The following COL4A2 variants were observed in gnomAD, a reference collection of about 807,000 sequenced individuals.
COL4A2 encodes collagen alpha-2(IV) chain.
Under a neutral mutation model 200.2 loss-of-function variants are expected in COL4A2, and 99 were observed. The ratio of observed to expected loss-of-function variants is 0.49; its 90% CI spans 0.42 to 0.58. The LOEUF (loss-of-function observed/expected upper bound fraction) is 0.58, where lower values mean the gene tolerates loss of function less well. Among genes scored for constraint, COL4A2 ranks in the 20% least tolerant of loss-of-function variants. The probability of loss-of-function intolerance (pLI) is 0.00; values close to 1 mark genes in which losing one functional copy is unlikely to be tolerated. For synonymous variants in COL4A2, 897 were observed against 900.6 expected (o/e 1.00, Z 0.07); for missense variants, 1,950 against 2,314.1 (o/e 0.84, Z 3.23).
At chr13:110,321,619 G>A (rs1162887888) in intron 3 of COL4A2, among the ~76,000 whole-genome samples, 1 of 152,178 alleles carries the variant, frequency 6.6e-6, no homozygotes. Context: ...TTAGTATAAT[G>A]TCCTTGTATT....
intron 40 of COL4A2, among the ~76,000 whole-genome samples, chr13:110,495,996 G>A (rs1344098383): frequency 1.3e-5 from 2 of 152,148 alleles, no homozygotes; most frequent in African/African-American, 4.8e-5. Flanking sequence ...GGGTGTTGCG[G>A]TCTCATTGTG....
At chr13:110,501,873 C>A in intron 41 of COL4A2, 89 bp downstream of exon 41, 1 of 1,285,658 alleles carries the variant, frequency 7.8e-7, no homozygotes, top group Non-Finnish European at 1.1e-6. Context: ...AACAGACGTT[C>A]ATTTCCACGC....
chr13:110,399,605 A>T (rs146578834), intron 4 of COL4A2, among the ~76,000 whole-genome samples: 97 of 152,354 alleles, frequency 6.4e-4, no homozygotes, highest in African/African-American at 2.3e-3. Flanking sequence ...CTCCAGATGC[A>T]TAGCATTCCC....
intron 4 of COL4A2, among the ~76,000 whole-genome samples, chr13:110,391,574 G>A (rs1435543054): frequency 6.6e-6 from 1 of 152,242 alleles, no homozygotes; most frequent in Non-Finnish European, 1.5e-5. Flanking sequence ...CACAGATTCA[G>A]AGCCCGGCAG....
chr13:110,457,505 G>A (rs773388499), intron 21 of COL4A2, 70 bp downstream of exon 21: 63 of 911,166 alleles, frequency 6.9e-5, no homozygotes, highest in Non-Finnish European at 4.4e-5. Flanking sequence ...TACAGAAGGT[G>A]AAATCCATCC....
intron 6 of COL4A2, among the ~76,000 whole-genome samples, 184 bp downstream of exon 6, chr13:110,425,181 GTAAACGTCCTTA>G (rs761503964): frequency 3.9e-5 from 6 of 152,206 alleles, no homozygotes; most frequent in Non-Finnish European, 5.9e-5. Flanking sequence ...TGTTTGCTTT[GTAAACGTCCTTA>G]TAGACTTGGC....
chr13:110,505,201 T>A (rs760526189), intron 45 of COL4A2, among the ~76,000 whole-genome samples: 1 of 150,780 alleles, frequency 6.6e-6, no homozygotes, highest in East Asian at 2.0e-4. Context: ...ATACAAAAAA[T>A]TAGCCGGGCG....
chr13:110,326,455 C>T (rs1452408802), intron 3 of COL4A2, among the ~76,000 whole-genome samples: 4 of 152,162 alleles, frequency 2.6e-5, no homozygotes, highest in South Asian at 4.1e-4. Context: ...CCCTGAGTCA[C>T]GGCGTCTTGG....
chr13:110,440,474 T>G (rs1881077545), intron 16 of COL4A2, among the ~76,000 whole-genome samples: 1 of 152,108 alleles, frequency 6.6e-6, no homozygotes, highest in East Asian at 1.9e-4. Context: ...TGGGTACCTG[T>G]AATCCCAGCT....
chr13:110,349,104 C>G (rs1029302074), intron 3 of COL4A2, among the ~76,000 whole-genome samples: 1 of 152,068 alleles, frequency 6.6e-6, no homozygotes, highest in African/African-American at 2.4e-5. Flanking sequence ...ATGGTTTGTT[C>G]CCTTGCTATA....
intron 4 of COL4A2, among the ~76,000 whole-genome samples, chr13:110,388,176 G>A (rs995056693): frequency 1.3e-5 from 2 of 152,222 alleles, no homozygotes; most frequent in African/African-American, 4.8e-5. Context: ...ACATTTCTAT[G>A]CAATATGAAA....
At chr13:110,379,755 GC>G (rs891158885) in intron 4 of COL4A2, among the ~76,000 whole-genome samples, 2 of 152,256 alleles carry the variant, frequency 1.3e-5, no homozygotes, top group Admixed American at 6.5e-5. Flanking sequence ...GTGTTGATGA[GC>G]CCCCCACTCC....
At chr13:110,391,639 T>A (rs1169559545) in intron 4 of COL4A2, among the ~76,000 whole-genome samples, 2 of 152,204 alleles carry the variant, frequency 1.3e-5, no homozygotes, top group African/African-American at 2.4e-5. Flanking sequence ...CTTGAGTAAT[T>A]CTCTAATCTC....
intron 3 of COL4A2, among the ~76,000 whole-genome samples, chr13:110,321,349 C>G (rs887419730): frequency 2.0e-5 from 3 of 151,746 alleles, no homozygotes; most frequent in Non-Finnish European, 4.4e-5. Flanking sequence ...TAAAATTTAC[C>G]ATTGTACCCA....
chr13:110,465,352 G>C, intron 24 of COL4A2, 53 bp from the exon 25 acceptor site: 1 of 1,534,984 alleles, frequency 6.5e-7, no homozygotes, highest in Non-Finnish European at 8.7e-7. Context: ...GGAAGTCGAG[G>C]CGATCTTTAA....
At chr13:110,322,407 C>G (rs1418475667) in intron 3 of COL4A2, among the ~76,000 whole-genome samples, 1 of 152,154 alleles carries the variant, frequency 6.6e-6, no homozygotes, top group African/African-American at 2.4e-5. Context: ...AGCCAGTGAG[C>G]GAGGTCTGGG....
At chr13:110,392,290 C>A (rs1190305546) in intron 4 of COL4A2, among the ~76,000 whole-genome samples, 2 of 152,108 alleles carry the variant, frequency 1.3e-5, no homozygotes, top group Admixed American at 1.3e-4. Flanking sequence ...ATTCACGTTC[C>A]AAAGCAATTT....
At chr13:110,443,037 T>C (rs1423329692) in intron 16 of COL4A2, among the ~76,000 whole-genome samples, 2 of 152,234 alleles carry the variant, frequency 1.3e-5, no homozygotes, top group East Asian at 1.9e-4. Flanking sequence ...GTCGATGACT[T>C]GGACTCACCA....
At chr13:110,497,312 CAG>C (rs1258096489) in intron 40 of COL4A2, among the ~76,000 whole-genome samples, 10 of 150,920 alleles carry the variant, frequency 6.6e-5, no homozygotes, top group South Asian at 2.1e-4. Flanking sequence ...CAGCCTCACT[CAG>C]GGGTGAGGAT....
Sources: gnomAD v4.1 joint callset for allele counts (sites outside exome capture counted in the v4.1 genomes callset) on GRCh38, gnomAD v4.1.1 for gene constraint, MANE v1.5 for transcripts, NCBI Gene and HGNC (gene_info 2026-07-23, HGNC 2026-07-21) for gene names.